Variants in COL13A1 observed in about 807,000 individuals in gnomAD.
COL13A1 encodes collagen alpha-1(XIII) chain.
Under a neutral mutation model 130.9 loss-of-function variants are expected in COL13A1, and 89 were observed. That is an observed-to-expected ratio of 0.68 (90% CI 0.57 to 0.81). COL13A1 has a LOEUF of 0.81. COL13A1 is among the 30% of genes least tolerant of loss of function. COL13A1 has a pLI of 0.00. For synonymous variants in COL13A1, 402 were observed against 341.6 expected, an observed-to-expected ratio of 1.18 and a Z score of -1.95; for missense variants, 879 against 934.6, an observed-to-expected ratio of 0.94 and a Z score of 0.78.
At position 69,849,886 on chromosome 10, in the gene COL13A1, C is replaced by T. The variant is rs191017628; in HGVS notation, c.365-17912C>T. Among the ~76,000 whole-genome samples the T allele has an allele frequency of 2.8e-4, 42 of 152,326 alleles. 1 individual carries two copies. In the Middle Eastern group the frequency reaches 0.017, roughly 62 times the overall value. On this transcript the variant is annotated intron_variant, in intron 2 of 40. Coordinates refer to ENST00000645393, the MANE Select transcript of COL13A1 (RefSeq NM_001368882.1). ...GGGATGGGGCTGAAACTGGGCCCCA[C>T]GGCCAGCTCCCGAGTAAGGTCAGAG...
At chr10:69,881,030 C>T (rs1003363292) in intron 7 of COL13A1, among the ~76,000 whole-genome samples, 41 of 152,360 alleles carry the variant, frequency 2.7e-4, no homozygotes, top group Admixed American at 2.0e-4. Flanking sequence ...GTGCTGGGTC[C>T]TGTGTGTTCA....
intron 2 of COL13A1, among the ~76,000 whole-genome samples, chr10:69,830,690 G>A (rs886589493): frequency 6.6e-6 from 1 of 152,168 alleles, no homozygotes; most frequent in East Asian, 1.9e-4. Flanking sequence ...TATTAGGCTG[G>A]GTGGTGGGTA....
intron 2 of COL13A1, among the ~76,000 whole-genome samples, chr10:69,866,909 G>T (rs2058575654): frequency 1.3e-5 from 2 of 152,180 alleles, no homozygotes; most frequent in Admixed American, 1.3e-4. Context: ...GGCACTAGGG[G>T]CCGGGCAGAC....
At chr10:69,840,380 G>A (rs574058583) in intron 2 of COL13A1, among the ~76,000 whole-genome samples, 6 of 152,280 alleles carry the variant, frequency 3.9e-5, no homozygotes, top group African/African-American at 1.4e-4. Flanking sequence ...GCTAGAGTGA[G>A]CAGTTTGTTG....
intron 9 of COL13A1, 130 bp downstream of exon 9, chr10:69,888,460 T>C (rs879192304): frequency 5.4e-6 from 7 of 1,291,278 alleles, no homozygotes; most frequent in Middle Eastern, 2.0e-4. Flanking sequence ...AGGTTGTCAC[T>C]AGTGGGAAGT....
intron 12 of COL13A1, 100 bp from the exon 13 acceptor site, chr10:69,895,450 G>A: frequency 7.8e-7 from 1 of 1,276,974 alleles, no homozygotes; most frequent in East Asian, 2.3e-5. Context: ...CTGGTGAGCG[G>A]TGACATGTGT....
chr10:69,816,884 C>T (rs1844684257), intron 1 of COL13A1, among the ~76,000 whole-genome samples: 1 of 152,094 alleles, frequency 6.6e-6, no homozygotes, highest in Non-Finnish European at 1.5e-5. Flanking sequence ...TAGGAGGCAG[C>T]GAAGATTGTC....
At chr10:69,905,665 T>G in intron 16 of COL13A1, 122 bp from the exon 17 acceptor site, 4 of 1,069,912 alleles carry the variant, frequency 3.7e-6, no homozygotes, top group Middle Eastern at 2.0e-4. Flanking sequence ...AGATGGGTGT[T>G]GAAGGGGCAG....
chr10:69,905,069 T>C (rs1565013042), intron 16 of COL13A1, 110 bp downstream of exon 16: 2 of 1,261,910 alleles, frequency 1.6e-6, no homozygotes, highest in Non-Finnish European at 2.2e-6. Flanking sequence ...GGATCTCAGC[T>C]GAGAGACAGA....
chr10:69,861,552 C>T (rs1858087508), intron 2 of COL13A1, among the ~76,000 whole-genome samples: 1 of 152,160 alleles, frequency 6.6e-6, no homozygotes, highest in South Asian at 2.1e-4. Context: ...AGCCTCTCCA[C>T]CTCCGTCTCT....
At chr10:69,877,240 C>G (rs2134209183) in intron 5 of COL13A1, 1 of 152,408 alleles carries the variant, frequency 6.6e-6, no homozygotes, top group Admixed American at 6.5e-5. Flanking sequence ...CTGGCCTGTC[C>G]AGAGCAGGGT....
At chr10:69,942,347 T>A (rs963624129) in intron 35 of COL13A1, among the ~76,000 whole-genome samples, 1 of 152,178 alleles carries the variant, frequency 6.6e-6, no homozygotes, top group African/African-American at 2.4e-5. Context: ...ATTATGGCTT[T>A]GCTCCTTCGC....
rs184896504 is a variant in COL13A1 at position 69,839,190 on chromosome 10, G to A, written c.364+16752G>A. ...CATTCATTCATTCATTCGTTCGTTC[G>A]TTCGTTCAACAAATACTTGTGAAGC... On this transcript the variant is annotated intron_variant, in intron 2 of 40. Coordinates refer to ENST00000645393, the MANE Select transcript of COL13A1 (RefSeq NM_001368882.1). 2.5e-3 allele frequency among the ~76,000 whole-genome samples: 377 copies of A among 152,240 alleles called. 1 individual carries two copies. The highest frequency in any genetic ancestry group is 8.6e-3 in the African/African-American group (359 of 41,544).
At chr10:69,867,716 T>C in intron 2 of COL13A1, 82 bp from the exon 3 acceptor site, 2 of 714,404 alleles carry the variant, frequency 2.8e-6, no homozygotes, top group South Asian at 1.5e-5. Context: ...TGATGAATCC[T>C]TGGACACTGC....
chr10:69,902,531 A>G (rs2062302384), intron 14 of COL13A1, among the ~76,000 whole-genome samples: 1 of 152,060 alleles, frequency 6.6e-6, no homozygotes, highest in African/African-American at 2.4e-5. Context: ...ACCTTCAGGG[A>G]CCTAACATCT....
At position 69,931,313 on chromosome 10, in the gene COL13A1, C is replaced by G. The variant is rs545492420; in HGVS notation, c.1683+761C>G. 6 of 432,000 alleles carry G rather than the reference C, an allele frequency of 1.4e-5. No individual in the cohort carries two copies. The Admixed American group carries it at 1.4e-4, about 10-fold the overall frequency. The allele number at this position is 432,000 out of a possible 1,614,324, so 26.8% of individuals were successfully genotyped here. Reference sequence around the variant, plus strand: ...CTGCAGGCAGCCACAGATGAGGGTCCTCCTGGGGGCCACCAGCCTAGTGGG... The same window carrying G: ...CTGCAGGCAGCCACAGATGAGGGTCGTCCTGGGGGCCACCAGCCTAGTGGG... On this transcript the variant is annotated intron_variant, in intron 30 of 40. Coordinates refer to ENST00000645393, the MANE Select transcript of COL13A1 (RefSeq NM_001368882.1).
intron 2 of COL13A1, chr10:69,824,108 A>T (rs1417659552): frequency 2.1e-6 from 1 of 472,332 alleles, no homozygotes; most frequent in Admixed American, 2.3e-5. Context: ...TATGACCTTC[A>T]GAGAGTTATT....
At chr10:69,898,033 G>A (rs1672942876) in intron 13 of COL13A1, among the ~76,000 whole-genome samples, 1 of 152,146 alleles carries the variant, frequency 6.6e-6, no homozygotes, top group Non-Finnish European at 1.5e-5. Flanking sequence ...CCCAGGGTGA[G>A]CCCTCAGCAG....
At chr10:69,840,899 C>A (rs185792673) in intron 2 of COL13A1, among the ~76,000 whole-genome samples, 2 of 152,024 alleles carry the variant, frequency 1.3e-5, no homozygotes, top group Non-Finnish European at 2.9e-5. Context: ...GCTCTCAGAA[C>A]CCCGGGCGCC....
Sources: allele counts gnomAD v4.1 joint callset (sites outside exome capture counted in the v4.1 genomes callset), GRCh38; gene constraint gnomAD v4.1.1; transcripts MANE v1.5; gene names NCBI Gene and HGNC (gene_info 2026-07-23, HGNC 2026-07-21).